The following CABLES1 variants were observed in gnomAD, a reference collection of about 807,000 sequenced individuals.
CABLES1 encodes the protein CDK5 and ABL1 enzyme substrate 1.
In CABLES1, 36 loss-of-function variants were observed where a neutral mutation model predicts 57.8. The ratio of observed to expected loss-of-function variants is 0.62; its 90% CI spans 0.48 to 0.82. The LOEUF is 0.82. Among genes scored for constraint, CABLES1 ranks in the 40% least tolerant of loss-of-function variants. The probability of loss-of-function intolerance (pLI) is 0.00; values close to 1 mark genes in which losing one functional copy is unlikely to be tolerated. For missense variants in CABLES1, 767 were observed against 836.6 expected, an observed-to-expected ratio of 0.92 and a Z score of 1.03; for synonymous variants, 374 against 363.0, an observed-to-expected ratio of 1.03 and a Z score of -0.35.
chr18:23,253,176 C>T (rs2048081287), intron 8 of CABLES1, 110 bp downstream of exon 8: 1 of 665,466 alleles, frequency 1.5e-6, no homozygotes, highest in East Asian at 2.8e-5. Context: ...GTGATTGAGT[C>T]ATTGTCACAT....
At chr18:23,160,608 C>G (rs779008054) in intron 1 of CABLES1, among the ~76,000 whole-genome samples, 19 of 152,176 alleles carry the variant, frequency 1.2e-4, no homozygotes, top group Non-Finnish European at 2.8e-4. Flanking sequence ...TGGTCATTCT[C>G]CCCTAAACTG....
rs373036763 is a variant in CABLES1, at chr18:23,235,846, A to G, written c.1186-49A>G. 7.1e-4 allele frequency: 1,113 copies of G among 1,576,458 alleles called. 4 individuals are homozygous for G. The highest frequency in any genetic ancestry group is 9.2e-4 in the Non-Finnish European group (1,057 of 1,148,048). ...TGTAGCTTGATCAGAATGCAGAGCT[A>G]GCAATGCCTGGGAATAATCACTGGC... On this transcript the variant is annotated intron_variant, in intron 5 of 9. Coordinates refer to ENST00000256925, the MANE Select transcript of CABLES1 (RefSeq NM_001100619.3).
chr18:23,243,590 A>T (rs1201047408), intron 7 of CABLES1, among the ~76,000 whole-genome samples: 1 of 150,986 alleles, frequency 6.6e-6, no homozygotes, highest in Non-Finnish European at 1.5e-5. Flanking sequence ...CATAAAACTA[A>T]CACAGGCCTC....
intron 3 of CABLES1, among the ~76,000 whole-genome samples, chr18:23,209,578 A>T (rs2047388816): frequency 6.6e-6 from 1 of 151,956 alleles, no homozygotes; most frequent in African/African-American, 2.4e-5. Context: ...GCTTCACTGT[A>T]TTCACCCCGC....
rs144745128 is a variant in CABLES1, at chr18:23,247,396, G to T, written c.1447-5564G>T. Among the ~76,000 whole-genome samples the T allele has an allele frequency of 5.2e-3, 794 of 152,342 alleles. 2 individuals carry two copies. Among genetic ancestry groups the T allele is most frequent in the African/African-American group, 0.016 (677 of 41,558 alleles). ...CCAGTTTCCATACTCTGAACAGTGT[G>T]GGGCTGGTGCAGAGCAGTGGCCTCA... On this transcript the variant is annotated intron_variant, in intron 7 of 9. Coordinates refer to ENST00000256925, the MANE Select transcript of CABLES1 (RefSeq NM_001100619.3).
At chr18:23,203,101 C>T (rs2047337789) in intron 3 of CABLES1, among the ~76,000 whole-genome samples, 2 of 152,096 alleles carry the variant, frequency 1.3e-5, no homozygotes, top group Non-Finnish European at 2.9e-5. Flanking sequence ...GTTCTTGAGA[C>T]TCATGAACCT....
chr18:23,253,218 C>A, intron 8 of CABLES1, 152 bp downstream of exon 8: 1 of 599,474 alleles, frequency 1.7e-6, no homozygotes, highest in Middle Eastern at 4.5e-4. Flanking sequence ...CATGGTGGCT[C>A]ACACCTGTAA....
chr18:23,224,745 ATTT>A (rs2047515666), intron 4 of CABLES1, among the ~76,000 whole-genome samples: 1 of 151,024 alleles, frequency 6.6e-6, no homozygotes, highest in Admixed American at 6.6e-5. Context: ...ATTTTTTTGT[ATTT>A]TTAGTAGAGA....
At chr18:23,165,765 T>C (rs553093369) in intron 1 of CABLES1, among the ~76,000 whole-genome samples, 1 of 152,250 alleles carries the variant, frequency 6.6e-6, no homozygotes, top group Non-Finnish European at 1.5e-5. Flanking sequence ...CGATGGACAC[T>C]TGGTTGCTTC....
intron 4 of CABLES1, among the ~76,000 whole-genome samples, chr18:23,229,957 A>G (rs897238152): frequency 9.2e-5 from 14 of 152,264 alleles, no homozygotes; most frequent in African/African-American, 3.1e-4. Flanking sequence ...TAATATCAGA[A>G]AGATTCCAGC....
At chr18:23,167,952 C>G (rs898695114) in intron 1 of CABLES1, among the ~76,000 whole-genome samples, 88 of 152,366 alleles carry the variant, frequency 5.8e-4, no homozygotes, top group African/African-American at 2.0e-3. Context: ...GTTGCTGTAA[C>G]TCCATGGAGC....
rs181189301 is a variant in CABLES1, at chr18:23,149,549, T to G, written c.845+12942T>G. 5.9e-3 allele frequency among the ~76,000 whole-genome samples: 894 copies of G among 152,338 alleles called. 4 individuals are homozygous for G. The highest frequency in any genetic ancestry group is 9.8e-3 in the Non-Finnish European group (668 of 68,026). On this transcript the variant is annotated intron_variant, in intron 1 of 9. Transcript: ENST00000256925. ...TACCCACCTCAGTCTCCCAAGGTGCTGGGATTATAGGAGTGAGTCACTGTG... is the reference window on the plus strand; with the variant it reads ...TACCCACCTCAGTCTCCCAAGGTGCGGGGATTATAGGAGTGAGTCACTGTG...
chr18:23,252,878 G>A, intron 7 of CABLES1, 82 bp from the exon 8 acceptor site: 1 of 886,408 alleles, frequency 1.1e-6, no homozygotes. Flanking sequence ...TTTGGGAGTT[G>A]TAAGTTGGTC....
intron 1 of CABLES1, among the ~76,000 whole-genome samples, chr18:23,149,501 C>T (rs1043953322): frequency 2.6e-5 from 4 of 152,128 alleles, no homozygotes; most frequent in East Asian, 1.9e-4. Flanking sequence ...AGGCTGGTCT[C>T]GAACTACTGA....
chr18:23,179,505 A>G (rs2047148900), intron 1 of CABLES1, among the ~76,000 whole-genome samples: 1 of 152,158 alleles, frequency 6.6e-6, no homozygotes, highest in Admixed American at 6.5e-5. Context: ...CTTCCAAGCC[A>G]GCTGTGTGCC....
chr18:23,174,965 C>T (rs182355794), intron 1 of CABLES1, among the ~76,000 whole-genome samples: 102 of 151,510 alleles, frequency 6.7e-4, no homozygotes, highest in African/African-American at 2.4e-3. Context: ...AGTTAACTCA[C>T]GCTGCCGCCT....
At chr18:23,183,193 G>A (rs917229431) in intron 1 of CABLES1, among the ~76,000 whole-genome samples, 4 of 152,142 alleles carry the variant, frequency 2.6e-5, no homozygotes, top group African/African-American at 9.7e-5. Context: ...ACTGGCCCTC[G>A]GGCCTGCCTC....
intron 4 of CABLES1, among the ~76,000 whole-genome samples, chr18:23,231,805 G>C (rs1179320199): frequency 6.6e-6 from 1 of 152,092 alleles, no homozygotes; most frequent in Non-Finnish European, 1.5e-5. Context: ...TTCCTTTGGA[G>C]GAAATGCCAA....
intron 1 of CABLES1, among the ~76,000 whole-genome samples, chr18:23,181,969 C>T (rs1470135673): frequency 6.6e-5 from 10 of 152,224 alleles, no homozygotes; most frequent in South Asian, 2.1e-4. Flanking sequence ...AAGACACTCT[C>T]ACCTCTTCCA....
Sources: gnomAD v4.1 joint callset for allele counts (sites outside exome capture counted in the v4.1 genomes callset) on GRCh38, gnomAD v4.1.1 for gene constraint, MANE v1.5 for transcripts, NCBI Gene and HGNC (gene_info 2026-07-23, HGNC 2026-07-21) for gene names.